Variants in UNC5D observed in about 807,000 individuals in gnomAD.
UNC5D encodes unc-5 netrin receptor D.
Under a neutral mutation model 105.4 loss-of-function variants are expected in UNC5D, and 39 were observed. That is an observed-to-expected ratio of 0.37 (90% CI 0.29 to 0.48). UNC5D has a LOEUF of 0.48. Among genes scored for constraint, UNC5D ranks in the 20% least tolerant of loss-of-function variants. The probability of loss-of-function intolerance (pLI) is 0.98; values close to 1 mark genes in which losing one functional copy is unlikely to be tolerated. For missense variants in UNC5D, 991 were observed against 1,202.4 expected (o/e 0.82, Z 2.60); for synonymous variants, 452 against 450.4 (o/e 1.00, Z -0.04).
At chr8:35,623,455 C>T (rs533253145) in intron 4 of UNC5D, among the ~76,000 whole-genome samples, 12 of 152,202 alleles carry the variant, frequency 7.9e-5, no homozygotes, top group African/African-American at 2.9e-4. Flanking sequence ...AATTGTTTTT[C>T]TCCCTTCCTC....
At chr8:35,730,314 T>C (rs1829116661) in intron 10 of UNC5D, among the ~76,000 whole-genome samples, 1 of 152,210 alleles carries the variant, frequency 6.6e-6, no homozygotes, top group African/African-American at 2.4e-5. Flanking sequence ...CCTTCCTGCA[T>C]TGTATGATTT....
In UNC5D at chr8:35,766,961, C is replaced by T. The variant is rs1370193826; in HGVS notation, c.2373C>T (p.Ser791=). ...SNRQPLHCAF[S]LERYTPTTTQ... ...GGCAGCCCCTGCACTGTGCCTTCTC[C>T]CTGGAGCGTTATACGCCCACTACCA... Residue 791 remains serine, a synonymous_variant, in exon 15 of 17, where the codon TCC becomes TCT. Coordinates refer to ENST00000404895, the MANE Select transcript of UNC5D (RefSeq NM_080872.4). 6.2e-7 allele frequency: 1 copy of T among 1,613,966 alleles called. No individual in the cohort carries two copies. The highest frequency in any genetic ancestry group is 8.5e-7 in the Non-Finnish European group (1 of 1,179,986).
At chr8:35,733,808 A>G (rs532223933) in intron 11 of UNC5D, among the ~76,000 whole-genome samples, 10 of 152,300 alleles carry the variant, frequency 6.6e-5, no homozygotes, top group Admixed American at 5.2e-4. Flanking sequence ...AAAGAGGGGT[A>G]CAGGGGTGAG....
intron 1 of UNC5D, among the ~76,000 whole-genome samples, chr8:35,493,597 G>C (rs1250390810): frequency 6.6e-6 from 1 of 151,510 alleles, no homozygotes; most frequent in African/African-American, 2.4e-5. Context: ...AAACAAAAAA[G>C]CAAGCAAAAA....
chr8:35,443,904 A>T (rs959927448), intron 1 of UNC5D, among the ~76,000 whole-genome samples: 4 of 151,974 alleles, frequency 2.6e-5, no homozygotes, highest in African/African-American at 9.7e-5. Context: ...AAATCCTCTT[A>T]AAAGATATAA....
chr8:35,469,604 C>T (rs1809562694), intron 1 of UNC5D, among the ~76,000 whole-genome samples: 1 of 152,128 alleles, frequency 6.6e-6, no homozygotes, highest in African/African-American at 2.4e-5. Context: ...CTTTCCAGAG[C>T]ACGATAATAC....
intron 16 of UNC5D, among the ~76,000 whole-genome samples, chr8:35,783,664 A>T (rs972771048): frequency 6.6e-6 from 1 of 152,074 alleles, no homozygotes; most frequent in African/African-American, 2.4e-5. Flanking sequence ...CTGATGGAGG[A>T]TTTAGATGTG....
In UNC5D at chr8:35,726,255, G is replaced by T. The variant is rs750331573; in HGVS notation, c.1407G>T (p.Met469Ile). 6.2e-7 allele frequency: 1 copy of T among 1,614,126 alleles called. No homozygotes were observed. The highest frequency in any genetic ancestry group is 8.5e-7 in the Non-Finnish European group (1 of 1,180,002). Residue 469 changes from methionine to isoleucine, a missense_variant, in exon 10 of 17, where the codon ATG becomes ATT. Transcript: ENST00000404895. ...CLQDPLDKEL[M>I]TESSLFNPLS... ...AGGACCCTCTGGACAAGGAGCTCAT[G>T]ACAGAGTCCTCACTCTTTAACCCTT... is the stretch of plus-strand genomic sequence containing the variant.
intron 9 of UNC5D, among the ~76,000 whole-genome samples, chr8:35,725,487 C>T (rs1437390170): frequency 6.6e-6 from 1 of 152,108 alleles, no homozygotes; most frequent in East Asian, 1.9e-4. Flanking sequence ...AGAATCTAAG[C>T]TTCTCACTGT....
At chr8:35,555,170 TG>T (rs1049967660) in intron 2 of UNC5D, among the ~76,000 whole-genome samples, 16 of 152,190 alleles carry the variant, frequency 1.1e-4, no homozygotes. Flanking sequence ...TGACAGTTTG[TG>T]GGTTTCAAAC....
At chr8:35,713,885 T>C (rs771090774) in intron 8 of UNC5D, among the ~76,000 whole-genome samples, 3 of 152,168 alleles carry the variant, frequency 2.0e-5, no homozygotes, top group Non-Finnish European at 4.4e-5. Flanking sequence ...GAGAAGTGGG[T>C]AAACAGCATG....
intron 1 of UNC5D, among the ~76,000 whole-genome samples, chr8:35,377,299 G>C (rs1226691258): frequency 6.6e-6 from 1 of 152,140 alleles, no homozygotes; most frequent in Non-Finnish European, 1.5e-5. Context: ...CAGCTTTGGA[G>C]TGACTGTTGT....
chr8:35,513,094 T>C (rs1275444563), intron 1 of UNC5D, among the ~76,000 whole-genome samples: 1 of 152,110 alleles, frequency 6.6e-6, no homozygotes, highest in Non-Finnish European at 1.5e-5. Context: ...CTTTGGTTTT[T>C]CTAGTATTCC....
intron 4 of UNC5D, among the ~76,000 whole-genome samples, chr8:35,610,381 T>C (rs1820591978): frequency 6.6e-6 from 1 of 152,180 alleles, no homozygotes; most frequent in African/African-American, 2.4e-5. Flanking sequence ...ATTAAAGGTG[T>C]TTGGATTAAA....
chr8:35,733,303 GT>G (rs576703029), intron 11 of UNC5D, among the ~76,000 whole-genome samples: 100 of 152,288 alleles, frequency 6.6e-4, no homozygotes, highest in African/African-American at 1.9e-3. Context: ...GGGGTGAATT[GT>G]TTCATCTCTG....
chr8:35,343,247 C>T (rs190228314), intron 1 of UNC5D, among the ~76,000 whole-genome samples: 29 of 152,174 alleles, frequency 1.9e-4, no homozygotes, highest in African/African-American at 7.0e-4. Context: ...TTTCCTGTCT[C>T]AGATTTGTAT....
At chr8:35,376,406 T>C (rs983625561) in intron 1 of UNC5D, among the ~76,000 whole-genome samples, 28 of 152,212 alleles carry the variant, frequency 1.8e-4, no homozygotes, top group African/African-American at 6.7e-4. Context: ...AAAAGTCCCA[T>C]GTGGTGAGAC....
intron 10 of UNC5D, chr8:35,727,219 A>G (rs1828924471): frequency 6.6e-6 from 1 of 152,302 alleles, no homozygotes; most frequent in South Asian, 2.1e-4. Flanking sequence ...TTAGTTTTCA[A>G]AGTTGCTGCC....
chr8:35,435,341 T>G (rs1400758001), intron 1 of UNC5D, among the ~76,000 whole-genome samples: 1 of 152,214 alleles, frequency 6.6e-6, no homozygotes, highest in Non-Finnish European at 1.5e-5. Context: ...TTTCCAACAG[T>G]AGCAAAACAT....
Sources: gnomAD v4.1 joint callset for allele counts (sites outside exome capture counted in the v4.1 genomes callset) on GRCh38, gnomAD v4.1.1 for gene constraint, MANE v1.5 for transcripts, NCBI Gene and HGNC (gene_info 2026-07-23, HGNC 2026-07-21) for gene names.